The following TXNDC11 variants were observed in gnomAD, a reference collection of about 807,000 sequenced individuals.
TXNDC11 encodes thioredoxin domain-containing protein 11.
Under a neutral mutation model 78.0 loss-of-function variants are expected in TXNDC11, and 68 were observed. The observed-to-expected ratio is 0.87, with a 90% CI of 0.72 to 1.07. The LOEUF (loss-of-function observed/expected upper bound fraction) is 1.07. Ranked by LOEUF, TXNDC11 falls within the 50% of genes least tolerant of loss-of-function variation. TXNDC11 has a pLI of 0.00. For missense variants in TXNDC11, 1,389 were observed against 1,221.8 expected (o/e 1.14, Z -2.04); for synonymous variants, 571 against 495.2 (o/e 1.15, Z -2.03).
chr16:11,702,235 C>T (rs2051051856), intron 5 of TXNDC11, among the ~76,000 whole-genome samples: 2 of 151,836 alleles, frequency 1.3e-5, no homozygotes. Flanking sequence ...GTGAAGCTTT[C>T]ATTTTTTTTC....
intron 4 of TXNDC11, among the ~76,000 whole-genome samples, chr16:11,728,184 G>A (rs1378005331): frequency 6.6e-6 from 1 of 152,128 alleles, no homozygotes; most frequent in Non-Finnish European, 1.5e-5. Flanking sequence ...TTTCATTTCT[G>A]GATCTAGAAT....
At chr16:11,693,735 T>G (rs2050781846) in intron 7 of TXNDC11, among the ~76,000 whole-genome samples, 1 of 152,166 alleles carries the variant, frequency 6.6e-6, no homozygotes, top group African/African-American at 2.4e-5. Context: ...TTATTTCCCC[T>G]GCACAAAAAC....
intron 1 of TXNDC11, 71 bp downstream of exon 1, chr16:11,742,406 G>T: frequency 8.2e-7 from 1 of 1,224,220 alleles, no homozygotes; most frequent in Non-Finnish European, 1.1e-6. Context: ...GCTGCGACCC[G>T]GCCCTGCAGG....
chr16:11,734,635 G>C (rs1364241339), intron 2 of TXNDC11, among the ~76,000 whole-genome samples: 1 of 152,198 alleles, frequency 6.6e-6, no homozygotes, highest in East Asian at 1.9e-4. Flanking sequence ...AGGACATACT[G>C]CTTAGGCTGA....
chr16:11,721,404 A>C (rs1383627181), intron 5 of TXNDC11, 173 bp downstream of exon 5: 1 of 395,820 alleles, frequency 2.5e-6, no homozygotes, highest in Non-Finnish European at 4.8e-6. Flanking sequence ...ACGCCACTGC[A>C]CTCCAGCCTG....
At chr16:11,712,033 T>G in intron 5 of TXNDC11, among the ~76,000 whole-genome samples, 1 of 152,184 alleles carries the variant, frequency 6.6e-6, no homozygotes, top group South Asian at 2.1e-4. Flanking sequence ...AAGATTATTT[T>G]CTAAGATTGT....
intron 5 of TXNDC11, among the ~76,000 whole-genome samples, chr16:11,705,719 C>G (rs1449093892): frequency 6.6e-6 from 1 of 152,184 alleles, no homozygotes; most frequent in Non-Finnish European, 1.5e-5. Flanking sequence ...CTTTATTTTT[C>G]ACACATAACA....
intron 10 of TXNDC11, among the ~76,000 whole-genome samples, chr16:11,686,748 C>G (rs2050576692): frequency 6.6e-6 from 1 of 152,234 alleles, no homozygotes; most frequent in African/African-American, 2.4e-5. Flanking sequence ...AAAACCTGCT[C>G]ACATCCTTTG....
intron 4 of TXNDC11, among the ~76,000 whole-genome samples, chr16:11,727,542 T>C (rs1263921067): frequency 6.6e-6 from 1 of 152,180 alleles, no homozygotes; most frequent in Non-Finnish European, 1.5e-5. Flanking sequence ...ATATTTAAAC[T>C]GTATAGGGTT....
rs371166284 is a variant in TXNDC11 at position 11,721,629 on chromosome 16, C to G, written c.741G>C (p.Gln247His). The change falls in exon 5 of 12, where the codon CAG becomes CAC. Residue 247 changes from glutamine to histidine, a missense_variant. Transcript: ENST00000283033. ...LGYFEFSGSP[Q>H]PPGYLTFFTS... Reference sequence around the variant, plus strand: ...TGAAGAAGGTCAAATAACCAGGAGGCTGGGGTGAGCCACTGAACTCAAAGT... The same window carrying G: ...TGAAGAAGGTCAAATAACCAGGAGGGTGGGGTGAGCCACTGAACTCAAAGT... 1.2e-6 allele frequency: 2 copies of G among 1,612,376 alleles called. No homozygotes were observed. Among genetic ancestry groups the G allele is most frequent in the Non-Finnish European group, 1.7e-6 (2 of 1,179,054 alleles).
intron 5 of TXNDC11, among the ~76,000 whole-genome samples, chr16:11,702,134 A>G (rs947247184): frequency 6.6e-6 from 1 of 151,768 alleles, no homozygotes. Context: ...CTACAGGCAC[A>G]TATGTTTAGA....
In TXNDC11 at chr16:11,691,599, T is replaced by G. The variant is rs146201777; in HGVS notation, c.1591A>C (p.Thr531Pro). ...DSEQGVFEAPTVAFSSLEKKC... is the reference protein window; with the variant it reads ...DSEQGVFEAPPVAFSSLEKKC... Reference sequence around the variant, plus strand: ...TTCTCAAGGGAAGAAAATGCAACAGTAGGGGCTTCAAAGACACCTTGTTCA... The same window carrying G: ...TTCTCAAGGGAAGAAAATGCAACAGGAGGGGCTTCAAAGACACCTTGTTCA... The change falls in exon 8 of 12, where the codon ACT becomes CCT. Residue 531 changes from threonine (T) to proline (P), a missense_variant. Thr to Pro is a conservative substitution (Grantham distance 38). Transcript: ENST00000283033. 2,006 of 1,614,110 alleles carry G rather than the reference T, an allele frequency of 1.2e-3. 5 individuals are homozygous for G. Among genetic ancestry groups the G allele is most frequent in the Non-Finnish European group, 1.6e-3 (1,878 of 1,180,022 alleles).
At chr16:11,715,187 G>C (rs1397734679) in intron 5 of TXNDC11, among the ~76,000 whole-genome samples, 2 of 152,156 alleles carry the variant, frequency 1.3e-5, no homozygotes, top group African/African-American at 4.8e-5. Context: ...GGGAGGCGGA[G>C]GTTGCAGTGA....
chr16:11,694,160 A>G (rs898522472), intron 7 of TXNDC11, among the ~76,000 whole-genome samples: 3 of 120,072 alleles, frequency 2.5e-5, no homozygotes, highest in Non-Finnish European at 4.8e-5. Context: ...CCCAGGCCGG[A>G]GTACAATGGC....
At chr16:11,734,747 CCA>C (rs1289252032) in intron 2 of TXNDC11, among the ~76,000 whole-genome samples, 1 of 152,182 alleles carries the variant, frequency 6.6e-6, no homozygotes, top group Non-Finnish European at 1.5e-5. Context: ...TTGGAAGGCT[CCA>C]CAGTTTCTAA....
intron 5 of TXNDC11, among the ~76,000 whole-genome samples, chr16:11,706,430 T>C (rs985360989): frequency 6.6e-6 from 1 of 152,232 alleles, no homozygotes; most frequent in Non-Finnish European, 1.5e-5. Flanking sequence ...AGGCACCATC[T>C]AGACCCATCA....
intron 3 of TXNDC11, among the ~76,000 whole-genome samples, chr16:11,731,132 C>T (rs74546248): frequency 6.6e-6 from 1 of 152,146 alleles, no homozygotes; most frequent in Non-Finnish European, 1.5e-5. Flanking sequence ...TGACCACATG[C>T]TAAGGGATTC....
At chr16:11,695,004 G>C (rs1042091719) in intron 7 of TXNDC11, among the ~76,000 whole-genome samples, 1 of 152,192 alleles carries the variant, frequency 6.6e-6, no homozygotes, top group Non-Finnish European at 1.5e-5. Flanking sequence ...CCACGCCTTT[G>C]CTTACCAGAT....
chr16:11,691,606 T>C lies in TXNDC11; in HGVS notation c.1584A>G (p.Glu528=). The C allele has an allele frequency of 6.2e-7, 1 of 1,614,176 alleles. No individual in the cohort carries two copies. Among genetic ancestry groups the C allele is most frequent in the African/African-American group, 1.3e-5 (1 of 75,034 alleles). ...GFIDSEQGVF[E]APTVAFSSLE... is the part of the protein sequence containing the mutation. The stretch of plus-strand genomic sequence containing the variant: ...GGGAAGAAAATGCAACAGTAGGGGC[T>C]TCAAAGACACCTTGTTCAGAGTCGA... Residue 528 remains glutamate, a synonymous_variant, in exon 8 of 12, where the codon GAA becomes GAG. Transcript: ENST00000283033.
Sources: allele counts gnomAD v4.1 joint callset (sites outside exome capture counted in the v4.1 genomes callset), GRCh38; gene constraint gnomAD v4.1.1; transcripts MANE v1.5; gene names NCBI Gene and HGNC (gene_info 2026-07-23, HGNC 2026-07-21).